FOXP1: variants seen among roughly 807,000 people sequenced by gnomAD.
FOXP1 encodes forkhead box P1.
FOXP1 carries 15 observed loss-of-function variants against 98.2 expected under a neutral mutation model. That is an observed-to-expected ratio of 0.15 (90% CI 0.10 to 0.24). The LOEUF (loss-of-function observed/expected upper bound fraction) is 0.24. Among genes scored for constraint, FOXP1 ranks in the 10% least tolerant of loss-of-function variants. The pLI is 1.00. For missense variants in FOXP1, 633 were observed against 848.5 expected, an observed-to-expected ratio of 0.75 and a Z score of 3.15; for synonymous variants, 371 against 314.5, an observed-to-expected ratio of 1.18 and a Z score of -1.90.
At chr3:71,232,386 C>CA (rs1026526903) in intron 5 of FOXP1, among the ~76,000 whole-genome samples, 1 of 152,142 alleles carries the variant, frequency 6.6e-6, no homozygotes, top group Non-Finnish European at 1.5e-5. Flanking sequence ...TGAGAACTGA[C>CA]AGAGAGGAGA....
intron 4 of FOXP1, among the ~76,000 whole-genome samples, chr3:71,316,420 C>T (rs920339343): frequency 3.9e-5 from 6 of 152,142 alleles, no homozygotes; most frequent in African/African-American, 1.2e-4. Flanking sequence ...ACCCCAGATG[C>T]TCTGATAGGT....
intron 10 of FOXP1, among the ~76,000 whole-genome samples, chr3:71,044,480 A>G (rs1048110682): frequency 1.3e-5 from 2 of 152,240 alleles, no homozygotes; most frequent in Non-Finnish European, 2.9e-5. Flanking sequence ...TAACCTTAAA[A>G]ACAACACAAA....
chr3:71,375,884 A>G (rs993540047), intron 3 of FOXP1, among the ~76,000 whole-genome samples: 4 of 152,176 alleles, frequency 2.6e-5, no homozygotes, highest in Admixed American at 1.3e-4. Flanking sequence ...TAACCTTTAA[A>G]ATGAGTATTT....
chr3:70,967,710 G>GTTTTTTTTTTTTTTTTTTTTTTTTT (rs756777959), intron 19 of FOXP1, among the ~76,000 whole-genome samples: 6 of 68,872 alleles, frequency 8.7e-5, no homozygotes, highest in African/African-American at 1.1e-4. Flanking sequence ...GTTTTTTTTT[G>GTTTTTTTTTTTTTTTTTTTTTTTTT]TTTTTTTTTT....
At chr3:71,126,804 A>G (rs1011961704) in intron 6 of FOXP1, among the ~76,000 whole-genome samples, 1 of 151,206 alleles carries the variant, frequency 6.6e-6, no homozygotes, top group African/African-American at 2.4e-5. Context: ...AGACTGGGTT[A>G]CAGAGCAAGA....
At chr3:71,389,251 GGCC>G (rs1347332841) in intron 3 of FOXP1, among the ~76,000 whole-genome samples, 3 of 38,376 alleles carry the variant, frequency 7.8e-5, no homozygotes, top group African/African-American at 3.6e-4. Flanking sequence ...GGGGGGGGGG[GGCC>G]GGGGGGGGCG....
rs186433851 is a variant in FOXP1 at position 71,431,248 on chromosome 3, G to A, written c.-168+62178C>T. ...TTCAGTGGCCGTTCTCTGGTTGGTG[G>A]GCAGGAAATCAGGGAAGGCTTCATG... On this transcript the variant is annotated intron_variant, in intron 3 of 20. Transcript: ENST00000649528. Among the ~76,000 whole-genome samples, 12 of 152,234 alleles carry A rather than the reference G, an allele frequency of 7.9e-5. 1 individual carries two copies. The highest frequency in any genetic ancestry group is 7.2e-4 in the Admixed American group (11 of 15,290).
At chr3:71,089,926 T>C (rs532442742) in intron 7 of FOXP1, among the ~76,000 whole-genome samples, 1 of 152,298 alleles carries the variant, frequency 6.6e-6, no homozygotes, top group South Asian at 2.1e-4. Context: ...ATGGGCAGCA[T>C]TTCTCTGCTC....
chr3:71,382,902 G>A (rs1289009298), intron 3 of FOXP1, among the ~76,000 whole-genome samples: 5 of 152,206 alleles, frequency 3.3e-5, no homozygotes, highest in South Asian at 2.1e-4. Context: ...ATCTCCTGGG[G>A]TTTGGGGATC....
chr3:70,996,100 C>A (rs577457926), intron 13 of FOXP1, among the ~76,000 whole-genome samples: 7 of 152,306 alleles, frequency 4.6e-5, no homozygotes, highest in African/African-American at 1.4e-4. Context: ...AATTCTCCTG[C>A]CTCAGCCGCC....
chr3:71,161,058 C>T (rs1205674639), intron 6 of FOXP1, among the ~76,000 whole-genome samples: 2 of 152,122 alleles, frequency 1.3e-5, no homozygotes, highest in African/African-American at 2.4e-5. Context: ...AAGCACTAAT[C>T]ATTTTTGTGG....
At chr3:71,149,095 G>A (rs1196910980) in intron 6 of FOXP1, among the ~76,000 whole-genome samples, 1 of 152,140 alleles carries the variant, frequency 6.6e-6, no homozygotes, top group Admixed American at 6.5e-5. Flanking sequence ...TGTGTCAGGC[G>A]CTGAAGACAA....
At chr3:71,102,721 G>A (rs1389859869) in intron 7 of FOXP1, among the ~76,000 whole-genome samples, 3 of 152,126 alleles carry the variant, frequency 2.0e-5, no homozygotes, top group African/African-American at 7.2e-5. Flanking sequence ...GGTGGTTAGC[G>A]AGGAGCATTA....
At chr3:71,108,152 CAA>C (rs2057598219) in intron 7 of FOXP1, among the ~76,000 whole-genome samples, 1 of 152,206 alleles carries the variant, frequency 6.6e-6, no homozygotes, top group African/African-American at 2.4e-5. Context: ...AAGCAACACA[CAA>C]AGTTTACTTT....
chr3:71,058,551 A>C (rs1339584904), intron 7 of FOXP1, among the ~76,000 whole-genome samples: 1 of 151,928 alleles, frequency 6.6e-6, no homozygotes, highest in Non-Finnish European at 1.5e-5. Flanking sequence ...AAGGCTCCAG[A>C]ATGTCACAAC....
chr3:71,088,086 C>T (rs561501431), intron 7 of FOXP1, among the ~76,000 whole-genome samples: 4 of 152,318 alleles, frequency 2.6e-5, no homozygotes, highest in Non-Finnish European at 4.4e-5. Context: ...ATAAGCAGTG[C>T]AGTGGTGAGA....
intron 4 of FOXP1, among the ~76,000 whole-genome samples, chr3:71,330,299 T>C (rs73115123): frequency 0.037 from 5,577 of 152,338 alleles, 144 homozygotes; most frequent in Non-Finnish European, 0.051. Flanking sequence ...TTCTACTTTC[T>C]TGTGATTTTA....
At chr3:71,140,711 G>A (rs2060025610) in intron 6 of FOXP1, among the ~76,000 whole-genome samples, 1 of 152,106 alleles carries the variant, frequency 6.6e-6, no homozygotes, top group Non-Finnish European at 1.5e-5. Flanking sequence ...CTTCTAAGTA[G>A]GTATCCAAAT....
intron 5 of FOXP1, among the ~76,000 whole-genome samples, chr3:71,298,107 C>T (rs1307557050): frequency 2.6e-5 from 4 of 152,196 alleles, no homozygotes; most frequent in African/African-American, 9.7e-5. Flanking sequence ...AAAATATTTA[C>T]TATGTGGCCC....
Sources: gnomAD v4.1 joint callset for allele counts (sites outside exome capture counted in the v4.1 genomes callset) on GRCh38, gnomAD v4.1.1 for gene constraint, MANE v1.5 for transcripts, NCBI Gene and HGNC (gene_info 2026-07-23, HGNC 2026-07-21) for gene names.